Variants in FGGY observed in about 807,000 individuals in gnomAD.
FGGY encodes FGGY carbohydrate kinase domain-containing protein.
In FGGY, 72 loss-of-function variants were observed where a neutral mutation model predicts 71.3. The ratio of observed to expected loss-of-function variants is 1.01; its 90% CI spans 0.84 to 1.23. The LOEUF is 1.23. Among genes scored for constraint, FGGY ranks in the 50% most tolerant of loss-of-function variants. FGGY has a pLI of 0.00. For synonymous variants in FGGY, 251 were observed against 250.3 expected (o/e 1.00, Z -0.02); for missense variants, 668 against 682.3 (o/e 0.98, Z 0.23).
At chr1:59,437,660 C>A (rs776234021) in intron 5 of FGGY, among the ~76,000 whole-genome samples, 1 of 152,188 alleles carries the variant, frequency 6.6e-6, no homozygotes, top group Non-Finnish European at 1.5e-5. Flanking sequence ...TATATATGTG[C>A]ACATATCAGT....
chr1:59,504,873 C>T (rs892197355), intron 6 of FGGY, among the ~76,000 whole-genome samples: 6 of 152,052 alleles, frequency 3.9e-5, no homozygotes, highest in African/African-American at 1.4e-4. Context: ...TATGATCTCT[C>T]GTCTTAAAAA....
At chr1:59,436,632 TC>T (rs1310842529) in intron 5 of FGGY, among the ~76,000 whole-genome samples, 1 of 152,298 alleles carries the variant, frequency 6.6e-6, no homozygotes, top group East Asian at 1.9e-4. Flanking sequence ...AATGAAGAGT[TC>T]CTGAATTTGC....
intron 14 of FGGY, among the ~76,000 whole-genome samples, chr1:59,736,421 A>C (rs914356477): frequency 2.0e-5 from 3 of 152,110 alleles, no homozygotes; most frequent in African/African-American, 7.2e-5. Flanking sequence ...GAAAATTTGG[A>C]ACTCCCTAGA....
At chr1:59,536,681 A>T (rs2095323934) in intron 7 of FGGY, among the ~76,000 whole-genome samples, 1 of 152,218 alleles carries the variant, frequency 6.6e-6, no homozygotes, top group African/African-American at 2.4e-5. Flanking sequence ...CATCCCTGGG[A>T]TGCAAGGCTG....
chr1:59,663,515 G>A (rs6690135), intron 12 of FGGY, among the ~76,000 whole-genome samples: 89,397 of 151,986 alleles, frequency 0.59, 28,563 homozygotes, highest in Middle Eastern at 0.76. Flanking sequence ...GGCAGGAGAG[G>A]GGAAGAAAAA....
At chr1:59,524,642 T>C (rs1019201775) in intron 7 of FGGY, among the ~76,000 whole-genome samples, 4 of 152,136 alleles carry the variant, frequency 2.6e-5, no homozygotes, top group African/African-American at 9.7e-5. Context: ...TCTCCACCCA[T>C]TGGGATGACC....
intron 14 of FGGY, among the ~76,000 whole-genome samples, chr1:59,712,528 A>G (rs1248099879): frequency 1.3e-5 from 2 of 152,172 alleles, no homozygotes; most frequent in East Asian, 3.9e-4. Flanking sequence ...CCTCACCCCT[A>G]TAGCAAACTT....
chr1:59,753,911 A>T (rs1482815771), intron 14 of FGGY, among the ~76,000 whole-genome samples: 1 of 152,218 alleles, frequency 6.6e-6, no homozygotes, highest in African/African-American at 2.4e-5. Flanking sequence ...CACTTAGATA[A>T]TATAACCTTT....
rs79991142 is a variant in FGGY at position 59,569,700 on chromosome 1, G to A, written c.903+15473G>A. Among the ~76,000 whole-genome samples the A allele has an allele frequency of 8.5e-4, 130 of 152,286 alleles. 2 individuals are homozygous for A. In the East Asian group the frequency reaches 0.024, roughly 28 times the overall value. The stretch of plus-strand genomic sequence containing the variant: ...CTTGTTTATGGAAGTTTTTGTGACC[G>A]TAAGAGCTAACTTTTCCTTGGTGCT... On this transcript the variant is annotated intron_variant, in intron 8 of 15. Transcript: ENST00000303721.
intron 2 of FGGY, among the ~76,000 whole-genome samples, chr1:59,322,313 A>G (rs867121776): frequency 2.3e-4 from 34 of 149,278 alleles, no homozygotes; most frequent in African/African-American, 5.2e-4. Context: ...AAAAAGTTCA[A>G]TGGGTTTTTG....
intron 4 of FGGY, among the ~76,000 whole-genome samples, chr1:59,348,838 CAG>C (rs1329645753): frequency 2.0e-5 from 3 of 152,264 alleles, no homozygotes; most frequent in East Asian, 1.9e-4. Context: ...AGTTTGAAAA[CAG>C]AGTTTCTTAG....
chr1:59,541,295 C>A (rs966799017), intron 7 of FGGY, among the ~76,000 whole-genome samples: 2 of 152,130 alleles, frequency 1.3e-5, no homozygotes, highest in Non-Finnish European at 2.9e-5. Context: ...GGGAAGAACA[C>A]CTGCCAGCCT....
At chr1:59,301,408 G>A (rs2042718932) in intron 1 of FGGY, among the ~76,000 whole-genome samples, 1 of 152,122 alleles carries the variant, frequency 6.6e-6, no homozygotes, top group East Asian at 1.9e-4. Flanking sequence ...AATAAAGATA[G>A]TTTTACTTCC....
intron 1 of FGGY, among the ~76,000 whole-genome samples, chr1:59,297,443 T>G (rs1038163396): frequency 1.3e-5 from 2 of 152,246 alleles, no homozygotes; most frequent in Non-Finnish European, 2.9e-5. Flanking sequence ...TGAGTTTAGA[T>G]GAGATAATGC....
intron 5 of FGGY, among the ~76,000 whole-genome samples, chr1:59,382,830 C>T (rs1451202380): frequency 6.6e-6 from 1 of 152,136 alleles, no homozygotes; most frequent in Non-Finnish European, 1.5e-5. Context: ...TTTTCTTTGA[C>T]ATTTTACTCA....
chr1:59,607,316 G>A (rs35156633), intron 8 of FGGY, among the ~76,000 whole-genome samples: 15,051 of 152,218 alleles, frequency 0.099, 854 homozygotes, highest in South Asian at 0.29. Flanking sequence ...TTTGAGGAGC[G>A]AAAGACAGAA....
At chr1:59,590,609 C>T (rs952942698) in intron 8 of FGGY, among the ~76,000 whole-genome samples, 7 of 152,148 alleles carry the variant, frequency 4.6e-5, no homozygotes, top group Admixed American at 2.6e-4. Flanking sequence ...TGGGCTTCAT[C>T]CCTGGGATGT....
At chr1:59,625,796 G>A (rs773253519) in intron 9 of FGGY, among the ~76,000 whole-genome samples, 192 bp from the exon 10 acceptor site, 1 of 152,120 alleles carries the variant, frequency 6.6e-6, no homozygotes, top group Admixed American at 6.5e-5. Flanking sequence ...TATTTAAGAG[G>A]CTAGCAGTAG....
At chr1:59,702,584 G>A (rs2097718633) in intron 14 of FGGY, among the ~76,000 whole-genome samples, 1 of 152,182 alleles carries the variant, frequency 6.6e-6, no homozygotes, top group Admixed American at 6.6e-5. Flanking sequence ...TCATAGAAGA[G>A]AGAGAGGCTG....
Sources: allele counts gnomAD v4.1 joint callset (sites outside exome capture counted in the v4.1 genomes callset), GRCh38; gene constraint gnomAD v4.1.1; transcripts MANE v1.5; gene names NCBI Gene and HGNC (gene_info 2026-07-23, HGNC 2026-07-21).